The following CNBD1 variants were observed in gnomAD, a reference collection of about 807,000 sequenced individuals.
The protein encoded by CNBD1 is cyclic nucleotide-binding domain-containing protein 1.
In CNBD1, 71 loss-of-function variants were observed where a neutral mutation model predicts 54.4. That is an observed-to-expected ratio of 1.30 (90% CI 1.08 to 1.59). The LOEUF is 1.59. CNBD1 is among the 40% of genes most tolerant of loss of function. The pLI is 0.00. For missense variants in CNBD1, 659 were observed against 518.0 expected (o/e 1.27, Z -2.64); for synonymous variants, 182 against 170.7 (o/e 1.07, Z -0.51).
chr8:86,977,342 C>G (rs553312064), intron 4 of CNBD1, among the ~76,000 whole-genome samples: 1 of 152,166 alleles, frequency 6.6e-6, no homozygotes, highest in Non-Finnish European at 1.5e-5. Flanking sequence ...CATATGTCAT[C>G]CACTTGATGG....
intron 8 of CNBD1, among the ~76,000 whole-genome samples, chr8:87,303,788 A>G (rs184214438): frequency 0.046 from 6,028 of 130,880 alleles, 160 homozygotes; most frequent in Non-Finnish European, 0.065. Flanking sequence ...ACAAATTTAC[A>G]AGAAAAAAAA....
At chr8:87,025,405 A>T (rs1461550971) in intron 4 of CNBD1, among the ~76,000 whole-genome samples, 2 of 152,196 alleles carry the variant, frequency 1.3e-5, no homozygotes, top group Admixed American at 6.5e-5. Flanking sequence ...TGTGAGCTAT[A>T]ACACTCTCTG....
At chr8:86,976,512 G>A (rs184250463) in intron 4 of CNBD1, among the ~76,000 whole-genome samples, 61 of 151,916 alleles carry the variant, frequency 4.0e-4, no homozygotes, top group African/African-American at 1.3e-3. Context: ...TGCTTTGGCT[G>A]TTGGAGATCT....
At chr8:87,318,803 A>C (rs13282346) in intron 8 of CNBD1, among the ~76,000 whole-genome samples, 85,699 of 151,814 alleles carry the variant, frequency 0.56, 25,738 homozygotes, top group African/African-American at 0.77. Flanking sequence ...CCTCAGTCAG[A>C]TTTCAGAGAC....
chr8:87,331,438 G>A (rs10104872), intron 8 of CNBD1, among the ~76,000 whole-genome samples: 57,952 of 151,948 alleles, frequency 0.38, 11,334 homozygotes, highest in Middle Eastern at 0.46. Context: ...TATACATACC[G>A]CATTTTCTTT....
intron 4 of CNBD1, among the ~76,000 whole-genome samples, chr8:87,151,912 G>T (rs1431757): frequency 0.55 from 83,961 of 151,724 alleles, 24,656 homozygotes; most frequent in African/African-American, 0.77. Flanking sequence ...GAAAATTTTT[G>T]ATACTTTAAA....
intron 4 of CNBD1, among the ~76,000 whole-genome samples, chr8:87,149,624 A>G (rs1164406040): frequency 6.6e-6 from 1 of 152,262 alleles, no homozygotes; most frequent in East Asian, 1.9e-4. Context: ...TCTCTTGAGC[A>G]TATATAATTG....
At chr8:87,175,014 T>C (rs538486291) in intron 4 of CNBD1, among the ~76,000 whole-genome samples, 2 of 152,236 alleles carry the variant, frequency 1.3e-5, no homozygotes, top group East Asian at 3.9e-4. Flanking sequence ...TTGCACTGGG[T>C]CAGGCCTGAA....
At chr8:86,925,730 C>A (rs1339631313) in intron 3 of CNBD1, among the ~76,000 whole-genome samples, 7 of 141,704 alleles carry the variant, frequency 4.9e-5, no homozygotes, top group African/African-American at 7.9e-5. Context: ...AAAAAAATAC[C>A]AAAAAAAAAA....
intron 8 of CNBD1, among the ~76,000 whole-genome samples, chr8:87,300,921 G>A (rs922916157): frequency 6.6e-6 from 1 of 151,876 alleles, no homozygotes; most frequent in African/African-American, 2.4e-5. Context: ...TTGGTTCTTT[G>A]AAAAAATAAA....
chr8:87,412,673 T>G (rs1056086937), intron 2 of CNBD1, among the ~76,000 whole-genome samples: 1 of 152,112 alleles, frequency 6.6e-6, no homozygotes, highest in African/African-American at 2.4e-5. Flanking sequence ...AATTGATAGA[T>G]GTTTATTTAG....
chr8:86,883,643 G>A (rs768450655), intron 1 of CNBD1, among the ~76,000 whole-genome samples: 10 of 152,070 alleles, frequency 6.6e-5, no homozygotes, highest in Non-Finnish European at 1.2e-4. Flanking sequence ...CACACAGGGC[G>A]TAGTAAGATG....
intron 6 of CNBD1, 86 bp downstream of exon 6, chr8:87,237,198 A>T (rs1807602289): frequency 1.4e-6 from 1 of 702,912 alleles, no homozygotes; most frequent in African/African-American, 1.8e-5. Flanking sequence ...TTAAGATCCA[A>T]TATCTTTAGA....
intron 10 of CNBD1, among the ~76,000 whole-genome samples, chr8:87,358,592 T>C (rs1216580242): frequency 6.6e-6 from 1 of 152,148 alleles, no homozygotes; most frequent in Non-Finnish European, 1.5e-5. Flanking sequence ...ATAGGATATA[T>C]ATAAATATAC....
intron 5 of CNBD1, among the ~76,000 whole-genome samples, chr8:87,210,144 G>A (rs187740558): frequency 6.6e-6 from 1 of 152,200 alleles, no homozygotes; most frequent in Non-Finnish European, 1.5e-5. Context: ...TACAGTATCT[G>A]TAGAAGAAAT....
At chr8:86,997,199 G>A (rs1442054803) in intron 4 of CNBD1, among the ~76,000 whole-genome samples, 1 of 152,162 alleles carries the variant, frequency 6.6e-6, no homozygotes, top group Non-Finnish European at 1.5e-5. Context: ...CATGAACAGT[G>A]TTGTTTCTTT....
At chr8:87,236,546 T>G (rs1243773449) in intron 5 of CNBD1, among the ~76,000 whole-genome samples, 1 of 152,048 alleles carries the variant, frequency 6.6e-6, no homozygotes, top group Non-Finnish European at 1.5e-5. Flanking sequence ...AAATGGCATT[T>G]TGTGTATGGG....
In CNBD1 at chr8:87,310,229, T is replaced by G. The variant is rs146950841; in HGVS notation, c.1042+23558T>G. On this transcript the variant is annotated intron_variant, in intron 8 of 10. Coordinates refer to ENST00000518476, the MANE Select transcript of CNBD1 (RefSeq NM_173538.3). ...AAAATTAGCTTGGTGTGGTGGCACATGCTATAGTCCCAGCACTCAGGAAGC... is the reference window on the plus strand; with the variant it reads ...AAAATTAGCTTGGTGTGGTGGCACAGGCTATAGTCCCAGCACTCAGGAAGC... Among the ~76,000 whole-genome samples the G allele has an allele frequency of 2.5e-3, 377 of 152,050 alleles. 2 individuals carry two copies. The highest frequency in any genetic ancestry group is 8.0e-3 in the African/African-American group (334 of 41,494).
chr8:87,321,244 G>C (rs984205616), intron 8 of CNBD1, among the ~76,000 whole-genome samples: 2 of 149,044 alleles, frequency 1.3e-5, no homozygotes, highest in African/African-American at 4.9e-5. Context: ...ATTTTTTGAA[G>C]AATCTTCATA....
Sources: gnomAD v4.1 joint callset for allele counts (sites outside exome capture counted in the v4.1 genomes callset) on GRCh38, gnomAD v4.1.1 for gene constraint, MANE v1.5 for transcripts, NCBI Gene and HGNC (gene_info 2026-07-23, HGNC 2026-07-21) for gene names.